NAV3: variants seen among roughly 807,000 people sequenced by gnomAD.
The protein encoded by NAV3 is neuron navigator 3.
A neutral mutation model predicts 244.7 loss-of-function variants in NAV3; 87 were observed. The observed-to-expected ratio is 0.36, with a 90% CI of 0.30 to 0.42. NAV3 has a LOEUF of 0.42. Ranked by LOEUF, NAV3 falls within the 20% of genes least tolerant of loss-of-function variation. NAV3 has a pLI of 1.00. For missense variants in NAV3, 2,663 were observed against 2,893.3 expected (o/e 0.92, Z 1.83); for synonymous variants, 1,126 against 1,042.2 (o/e 1.08, Z -1.55).
At chr12:78,184,431 A>G (rs1217953209) in intron 30 of NAV3, among the ~76,000 whole-genome samples, 2 of 151,840 alleles carry the variant, frequency 1.3e-5, no homozygotes, top group South Asian at 2.1e-4. Flanking sequence ...TGAAAAGGTG[A>G]AAGACTATTA....
intron 12 of NAV3, among the ~76,000 whole-genome samples, chr12:78,089,748 C>T (rs1023151676): frequency 6.6e-6 from 1 of 152,120 alleles, no homozygotes; most frequent in African/African-American, 2.4e-5. Context: ...CAGTATACAT[C>T]CATCCTGTTG....
chr12:78,000,794 C>T (rs1166829502), intron 7 of NAV3, among the ~76,000 whole-genome samples: 4 of 151,130 alleles, frequency 2.6e-5, no homozygotes, highest in Non-Finnish European at 4.4e-5. Context: ...TGAGCCACCG[C>T]GCCCGGCCAA....
In NAV3 at chr12:77,947,726, T is replaced by C. The variant is rs529344615; in HGVS notation, c.414+6593T>C. Among the ~76,000 whole-genome samples the C allele has an allele frequency of 9.2e-5, 14 of 152,138 alleles. No individual in the cohort carries two copies. The South Asian group carries it at 2.1e-3, about 22-fold the overall frequency. ...CTTTACTTTGTATTTTTCTTAATGA[T>C]TTCATTATTTTTATACAAACTTCGC... On this transcript the variant is annotated intron_variant, in intron 3 of 39. Transcript: ENST00000397909.
intron 5 of NAV3, among the ~76,000 whole-genome samples, chr12:77,976,236 A>G (rs1011092415): frequency 2.0e-5 from 3 of 152,190 alleles, no homozygotes; most frequent in African/African-American, 7.2e-5. Flanking sequence ...TGAGGAGGCC[A>G]TTGGAATTGC....
intron 2 of NAV3, among the ~76,000 whole-genome samples, chr12:77,658,762 T>G (rs1197536474): frequency 6.6e-6 from 1 of 151,724 alleles, no homozygotes; most frequent in African/African-American, 2.4e-5. Context: ...AAAACAGAGA[T>G]ATAGATCAAT....
chr12:77,945,837 T>A (rs1001332535), intron 3 of NAV3, among the ~76,000 whole-genome samples: 5 of 151,852 alleles, frequency 3.3e-5, no homozygotes, highest in Non-Finnish European at 7.4e-5. Context: ...AACCTCCACC[T>A]CCCGAGTTCA....
At chr12:78,151,035 A>G (rs908042174) in intron 22 of NAV3, among the ~76,000 whole-genome samples, 2 of 151,328 alleles carry the variant, frequency 1.3e-5, no homozygotes, top group South Asian at 2.1e-4. Context: ...GAAAACATCT[A>G]TAGTGTTTCC....
intron 1 of NAV3, among the ~76,000 whole-genome samples, chr12:77,839,225 T>C (rs1875190184): frequency 6.6e-6 from 1 of 152,216 alleles, no homozygotes; most frequent in Non-Finnish European, 1.5e-5. Flanking sequence ...CAAATACAGT[T>C]GAGAAATGCT....
intron 38 of NAV3, among the ~76,000 whole-genome samples, chr12:78,203,835 T>C (rs1277093500): frequency 7.6e-6 from 1 of 131,940 alleles, no homozygotes; most frequent in Non-Finnish European, 1.5e-5. Context: ...CCTTGTAATA[T>C]TATACTTTTT....
intron 23 of NAV3, among the ~76,000 whole-genome samples, chr12:78,162,465 T>G (rs1957585922): frequency 6.6e-6 from 1 of 152,076 alleles, no homozygotes; most frequent in Admixed American, 6.6e-5. Flanking sequence ...TATACATGTA[T>G]GTAATATTCC....
chr12:78,051,293 C>G, intron 11 of NAV3, 146 bp downstream of exon 11: 1 of 800,540 alleles, frequency 1.2e-6, no homozygotes. Flanking sequence ...GTTGAAGGGC[C>G]CTTCCTCTGC....
intron 35 of NAV3, 36 bp from the exon 36 acceptor site, chr12:78,198,569 C>A (rs771515208): frequency 1.4e-5 from 17 of 1,248,030 alleles, no homozygotes; most frequent in Non-Finnish European, 1.7e-5. Context: ...ACTTTTACCT[C>A]CAGTAAATTA....
intron 1 of NAV3, among the ~76,000 whole-genome samples, chr12:77,837,722 A>G (rs1874913743): frequency 6.6e-6 from 1 of 152,160 alleles, no homozygotes; most frequent in Non-Finnish European, 1.5e-5. Context: ...CTACTGATTG[A>G]CTTAATTAAT....
chr12:77,939,510 A>G (rs1244371020), intron 1 of NAV3, among the ~76,000 whole-genome samples: 4 of 152,196 alleles, frequency 2.6e-5, no homozygotes, highest in Non-Finnish European at 4.4e-5. Flanking sequence ...TGTACCACCC[A>G]TAAAGCTGAA....
At chr12:77,881,157 T>C (rs1445545659) in intron 1 of NAV3, among the ~76,000 whole-genome samples, 5 of 152,166 alleles carry the variant, frequency 3.3e-5, no homozygotes, top group Admixed American at 1.3e-4. Context: ...TTCCTTTACT[T>C]AGTGGATCTC....
chr12:77,980,359 A>G (rs564754070), intron 5 of NAV3, among the ~76,000 whole-genome samples: 1 of 152,304 alleles, frequency 6.6e-6, no homozygotes, highest in South Asian at 2.1e-4. Context: ...CCCAATTATA[A>G]GGACTTGATA....
intron 2 of NAV3, among the ~76,000 whole-genome samples, chr12:77,740,790 G>A (rs969983471): frequency 6.6e-6 from 1 of 152,020 alleles, no homozygotes; most frequent in African/African-American, 2.4e-5. Context: ...GCTTACTGGG[G>A]GGCTATGAGA....
At chr12:78,187,147 T>C (rs1412337930) in intron 31 of NAV3, among the ~76,000 whole-genome samples, 3 of 152,050 alleles carry the variant, frequency 2.0e-5, no homozygotes, top group South Asian at 2.1e-4. Flanking sequence ...TGTGGATTTC[T>C]CAACTTATTC....
intron 39 of NAV3, 87 bp downstream of exon 39, chr12:78,205,225 T>A: frequency 7.5e-7 from 1 of 1,341,550 alleles, no homozygotes; most frequent in Non-Finnish European, 1.0e-6. Flanking sequence ...CGAAGACATT[T>A]GTTATCCTAA....
Sources: allele counts gnomAD v4.1 joint callset (sites outside exome capture counted in the v4.1 genomes callset), GRCh38; gene constraint gnomAD v4.1.1; transcripts MANE v1.5; gene names NCBI Gene and HGNC (gene_info 2026-07-23, HGNC 2026-07-21).